IDH3G: variants seen among roughly 807,000 people sequenced by gnomAD.
IDH3G encodes the protein isocitrate dehydrogenase (NAD(+)) 3 non-catalytic subunit gamma, also known as isocitrate dehydrogenase [NAD] subunit gamma, mitochondrial.
In IDH3G, 9 loss-of-function variants were observed where a neutral mutation model predicts 26.9. The observed-to-expected ratio is 0.34, with a 90% CI of 0.20 to 0.58. The LOEUF is 0.58. IDH3G is among the 20% of genes least tolerant of loss of function. The probability of loss-of-function intolerance (pLI) is 0.85; values close to 1 mark genes in which losing one functional copy is unlikely to be tolerated. For missense variants in IDH3G, 250 were observed against 372.8 expected, an observed-to-expected ratio of 0.67 and a Z score of 2.71; for synonymous variants, 181 against 160.0, an observed-to-expected ratio of 1.13 and a Z score of -0.99.
rs2071125 is a variant in IDH3G, at chrX:153,794,101, G to A, written c.81+145C>T. 0.29 allele frequency: 179,189 copies of A among 611,213 alleles called. 21,019 individuals are homozygous for A. Among genetic ancestry groups the A allele is most frequent in the East Asian group, 0.63 (16,440 of 25,901 alleles). 50.4% of individuals were successfully genotyped at this position (611,213 alleles called of 1,213,427 possible). A position where few individuals can be genotyped will look rare whatever the true frequency, so the allele number is the denominator to read the frequency against. ...GGCCAATCCCCTCAGTGACAGCGGA[G>A]GCGGCCAATCAACCCCGGCGCGAAG... On this transcript the variant is annotated intron_variant, in intron 1 of 12. Transcript: ENST00000217901.
At chrX:153,786,315 G>A (rs375897007) in intron 11 of IDH3G, 40 bp downstream of exon 11, 96 of 1,199,602 alleles carry the variant, frequency 8.0e-5, no homozygotes, top group Non-Finnish European at 1.0e-4. Context: ...GGGGCCCGGA[G>A]GGCTGGCCAG....
intron 10 of IDH3G, 125 bp downstream of exon 10, chrX:153,786,676 C>T (rs2092089521): frequency 1.2e-6 from 1 of 847,913 alleles, no homozygotes; most frequent in Non-Finnish European, 1.7e-6. Flanking sequence ...CAGTACAACC[C>T]TGGATATCCA....
Position 153,790,925 on chromosome X carries a change from G to A in IDH3G, c.82-74C>T, listed in dbSNP as rs782484768. 65 of 965,693 alleles carry A rather than the reference G, an allele frequency of 6.7e-5. No homozygotes were observed. The East Asian group carries it at 1.4e-3, about 21-fold the overall frequency. The allele number at this position is 965,693 out of a possible 1,213,427, so 79.6% of individuals were successfully genotyped here. On this transcript the variant is annotated intron_variant, in intron 1 of 12. Coordinates refer to ENST00000217901, the MANE Select transcript of IDH3G (RefSeq NM_004135.4). Reference sequence around the variant, plus strand: ...GCCAAGTTGGAAGGAAAAACGGACCGTCCCCACTGTGCCCAGGCAGGTCCC... The same window carrying A: ...GCCAAGTTGGAAGGAAAAACGGACCATCCCCACTGTGCCCAGGCAGGTCCC...
In IDH3G at chrX:153,788,101, C is replaced by T. The variant is rs782297826; in HGVS notation, c.381G>A (p.Ser127=). 11 of 1,210,783 alleles carry T rather than the reference C, an allele frequency of 9.1e-6. No individual in the cohort carries two copies. In the Admixed American group the frequency reaches 1.7e-4, roughly 19 times the overall value. ...GAAGGATGTTGTTTCGAGATTTGTG[C>T]GACGGTGGCAGGTTATGGTTGGTTT... ...NIETNHNLPP[S]HKSRNNILRT... is the part of the protein sequence containing the mutation. The change falls in exon 6 of 13, where the codon TCG becomes TCA. Residue 127 remains serine, a synonymous_variant. Coordinates refer to ENST00000217901, the MANE Select transcript of IDH3G (RefSeq NM_004135.4).
intron 5 of IDH3G, among the ~76,000 whole-genome samples, chrX:153,788,857 T>C (rs186416193): frequency 6.2e-4 from 70 of 112,661 alleles, no homozygotes; most frequent in Non-Finnish European, 9.0e-4. Flanking sequence ...AAATGAGCAA[T>C]GGAAGTAGTT....
chrX:153,790,090 C>T, intron 4 of IDH3G, 105 bp downstream of exon 4: 1 of 666,766 alleles, frequency 1.5e-6, no homozygotes, highest in Non-Finnish European at 2.4e-6. Context: ...TACAGGTCGT[C>T]TTGCCATGGC....
chrX:153,792,567 TC>T (rs1336672963), intron 1 of IDH3G, among the ~76,000 whole-genome samples: 2 of 112,155 alleles, frequency 1.8e-5, no homozygotes, highest in African/African-American at 3.2e-5. Flanking sequence ...CCCCTGCAGC[TC>T]CCAGCAGTAG....
In IDH3G at chrX:153,787,456, G is replaced by C. The variant is rs781810702; in HGVS notation, c.674+8C>G. ...CTGGACTGCTCGCAGAGAGGTCAGG[G>C]GACATACATGATGTTGGCCTTGTGC... On this transcript the variant is annotated splice_region_variant and intron_variant, in intron 8 of 12. Coordinates refer to ENST00000217901, the MANE Select transcript of IDH3G (RefSeq NM_004135.4). 8.3e-7 allele frequency: 1 copy of C among 1,210,094 alleles called. No individual in the cohort carries two copies. The highest frequency in any genetic ancestry group is 1.8e-5 in the South Asian group (1 of 56,775).
intron 7 of IDH3G, 26 bp downstream of exon 7, chrX:153,787,797 G>C (rs782000361): frequency 8.4e-7 from 1 of 1,195,061 alleles, no homozygotes; most frequent in Non-Finnish European, 1.1e-6. Flanking sequence ...CGCTGGGGGG[G>C]CTCATCTCGG....
chrX:153,793,271 C>T (rs1176036253), intron 1 of IDH3G, among the ~76,000 whole-genome samples: 2 of 111,911 alleles, frequency 1.8e-5, no homozygotes, highest in African/African-American at 6.5e-5. Context: ...TATATACTGC[C>T]GTCCTTTCAG....
At position 153,794,297 on chromosome X, in the gene IDH3G, G is replaced by T; in HGVS notation, c.30C>A (p.Gly10=). 8.3e-7 allele frequency: 1 copy of T among 1,198,503 alleles called. No homozygotes were observed. Among genetic ancestry groups the T allele is most frequent in the African/African-American group, 1.7e-5 (1 of 57,927 alleles). The part of the protein sequence containing the change: MALKVATVA[G]SAAKAVLGPA... The stretch of plus-strand genomic sequence containing the variant: ...GCCCGAGCACCGCCTTCGCGGCGCT[G>T]CCGGCGACGGTCGCTACCTTCAGCG... Residue 10 remains glycine, a synonymous_variant, in exon 1 of 13, where the codon GGC becomes GGA. Transcript: ENST00000217901.
rs200391024 is a variant in IDH3G at position 153,786,017 on chromosome X, C to T, written c.1081-44G>A. On this transcript the variant is annotated intron_variant, in intron 12 of 12. Transcript: ENST00000217901. ...CTCGGCACACACCAGGCCCTGCCAC[C>T]CCCCGCTGTCTCCTGTGACGTGCAG... 11 of 1,209,011 alleles carry T rather than the reference C, an allele frequency of 9.1e-6. No homozygotes were observed. The African/African-American group carries it at 1.7e-4, about 19-fold the overall frequency.
intron 1 of IDH3G, 178 bp downstream of exon 1, chrX:153,794,068 C>T (rs1398411139): frequency 2.2e-5 from 11 of 506,743 alleles, no homozygotes; most frequent in Non-Finnish European, 2.8e-5. Context: ...CGGTCCAGGG[C>T]CAACTTCGGC....
chrX:153,788,251 A>G (rs916753592), intron 5 of IDH3G, 116 bp from the exon 6 acceptor site: 1 of 692,600 alleles, frequency 1.4e-6, no homozygotes, highest in East Asian at 3.2e-5. Flanking sequence ...CCTGAACACT[A>G]GAATGCTAGA....
chrX:153,792,918 G>A (rs2283753), intron 1 of IDH3G, among the ~76,000 whole-genome samples: 9,826 of 112,123 alleles, frequency 0.088, 344 homozygotes, highest in East Asian at 0.19. Flanking sequence ...ATGGTTCCAT[G>A]GAAAGAAAGA....
chrX:153,787,801 A>G (rs1557069554), intron 7 of IDH3G, 22 bp downstream of exon 7: 3 of 1,195,637 alleles, frequency 2.5e-6, no homozygotes, highest in African/African-American at 3.5e-5. Flanking sequence ...GGGGGGGCTC[A>G]TCTCGGGCCC....
intron 5 of IDH3G, 25 bp downstream of exon 5, chrX:153,789,686 TC>T (rs2092102117): frequency 1.0e-6 from 1 of 955,548 alleles, no homozygotes; most frequent in Non-Finnish European, 1.5e-6. Context: ...TAGGGCCCCA[TC>T]CTGGCCCCTG....
Position 153,790,856 on chromosome X carries a change from C to T in IDH3G, c.82-5G>A, listed in dbSNP as rs781995215. 4 of 1,209,409 alleles carry T rather than the reference C, an allele frequency of 3.3e-6. No individual in the cohort carries two copies. The highest frequency in any genetic ancestry group is 4.5e-6 in the Non-Finnish European group (4 of 894,010). On this transcript the variant is annotated splice_polypyrimidine_tract_variant and splice_region_variant and intron_variant, in intron 1 of 12. Transcript: ENST00000217901. ...GACCTCGTGGGCGCCTAGAACCTGG[C>T]AGAGACCAAATGCCAGCGGTTGGTT...
At position 153,786,698 on chromosome X, in the gene IDH3G, A is replaced by C. The variant is rs2092089646; in HGVS notation, c.924+103T>G. 4.1e-6 allele frequency: 4 copies of C among 971,198 alleles called. No homozygotes were observed. The Admixed American group carries it at 8.0e-5, about 20-fold the overall frequency. The allele number at this position is 971,198 out of a possible 1,213,427, so 80.0% of individuals were successfully genotyped here. A position where few individuals can be genotyped will look rare whatever the true frequency, so the allele number is the denominator to read the frequency against. ...ACCCTGGATATCCAAAAAACTACTA[A>C]ATCATGCATTTTGAACGGGCTAACC... On this transcript the variant is annotated intron_variant, in intron 10 of 12. Transcript: ENST00000217901.
Sources: allele counts gnomAD v4.1 joint callset (sites outside exome capture counted in the v4.1 genomes callset), GRCh38; gene constraint gnomAD v4.1.1; transcripts MANE v1.5; gene names NCBI Gene and HGNC (gene_info 2026-07-23, HGNC 2026-07-21).